Variants in GRK5 observed in about 807,000 individuals in gnomAD.
GRK5 encodes g protein-coupled receptor kinase GRK5.
A neutral mutation model predicts 78.4 loss-of-function variants in GRK5; 40 were observed. The ratio of observed to expected loss-of-function variants is 0.51; its 90% CI spans 0.40 to 0.66. The LOEUF (loss-of-function observed/expected upper bound fraction) is 0.66. GRK5 is among the 30% of genes least tolerant of loss of function. The probability of loss-of-function intolerance (pLI) is 0.00; values close to 1 mark genes in which losing one functional copy is unlikely to be tolerated. For missense variants in GRK5, 598 were observed against 759.9 expected, an observed-to-expected ratio of 0.79 and a Z score of 2.50; for synonymous variants, 289 against 296.8, an observed-to-expected ratio of 0.97 and a Z score of 0.27.
chr10:119,236,804 G>A (rs1848941745), intron 1 of GRK5, among the ~76,000 whole-genome samples: 1 of 151,834 alleles, frequency 6.6e-6, no homozygotes, highest in Non-Finnish European at 1.5e-5. Flanking sequence ...ACTAATTTTT[G>A]TATTTTTAGT....
chr10:119,234,848 T>C (rs1426583741), intron 1 of GRK5, among the ~76,000 whole-genome samples: 10 of 151,902 alleles, frequency 6.6e-5, no homozygotes, highest in Non-Finnish European at 1.5e-4. Flanking sequence ...GCACGCCTTG[T>C]ATTTTTAGTA....
chr10:119,347,967 C>T (rs1851126318), intron 2 of GRK5, among the ~76,000 whole-genome samples: 2 of 152,204 alleles, frequency 1.3e-5, no homozygotes, highest in Non-Finnish European at 2.9e-5. Flanking sequence ...TCCTTCTCCA[C>T]AAAGGAGGGG....
At chr10:119,270,788 T>C (rs986035011) in intron 1 of GRK5, among the ~76,000 whole-genome samples, 1 of 152,194 alleles carries the variant, frequency 6.6e-6, no homozygotes, top group African/African-American at 2.4e-5. Flanking sequence ...GTTTTGTAGG[T>C]GTAACAATAG....
chr10:119,358,360 C>T (rs769995594), intron 2 of GRK5, among the ~76,000 whole-genome samples: 1 of 152,210 alleles, frequency 6.6e-6, no homozygotes, highest in Non-Finnish European at 1.5e-5. Context: ...ATAGTAGCTG[C>T]TCTGACCATG....
rs371664225 is a variant in GRK5 at position 119,318,469 on chromosome 10, T to C, written c.53-8047T>C. On this transcript the variant is annotated intron_variant, in intron 1 of 15. Coordinates refer to ENST00000392870, the MANE Select transcript of GRK5 (RefSeq NM_005308.3). ...CTCCCAAGGATGGTATGTGAACCTG[T>C]TGGGCTTAAAGGAACCCAGTAAGTT... 4.3e-4 allele frequency among the ~76,000 whole-genome samples: 65 copies of C among 152,314 alleles called. 1 individual carries two copies. The East Asian group carries it at 0.012, about 28-fold the overall frequency.
chr10:119,256,646 G>A (rs1234600526), intron 1 of GRK5, among the ~76,000 whole-genome samples: 10 of 137,216 alleles, frequency 7.3e-5, no homozygotes, highest in Admixed American at 3.3e-4. Context: ...CTCACCCGTC[G>A]CCTCTTTATT....
At chr10:119,442,268 C>G (rs568313048) in intron 11 of GRK5, among the ~76,000 whole-genome samples, 180 bp downstream of exon 11, 2 of 152,220 alleles carry the variant, frequency 1.3e-5, no homozygotes, top group Non-Finnish European at 2.9e-5. Context: ...AGGGGGAGCA[C>G]AGGGGCCCCA....
At chr10:119,261,071 G>C (rs1849381951) in intron 1 of GRK5, among the ~76,000 whole-genome samples, 1 of 1,060 alleles carries the variant, frequency 9.4e-4, no homozygotes, top group Non-Finnish European at 4.5e-3. Flanking sequence ...GGGGCGGCTG[G>C]CCGGGCGGAG....
At chr10:119,245,936 C>T (rs138989895) in intron 1 of GRK5, among the ~76,000 whole-genome samples, 1,681 of 140,026 alleles carry the variant, frequency 0.012, 36 homozygotes, top group African/African-American at 0.039. Flanking sequence ...AGGAGAATGG[C>T]GTGAACCCGG....
Position 119,453,187 on chromosome 10 carries a change from C to T in GRK5, c.1585C>T (p.Pro529Ser), listed in dbSNP as rs887685206. 4 of 1,584,898 alleles carry T rather than the reference C, an allele frequency of 2.5e-6. No homozygotes were observed. The highest frequency in any genetic ancestry group is 3.5e-6 in the Non-Finnish European group (4 of 1,153,468). ...CTTTAAGGAGCTGAACGTGTTTGGA[C>T]CTAATGGTACCCTCCCGCCAGATCT... The part of the protein sequence containing the change: ...ECFKELNVFG[P>S]NGTLPPDLNR... Residue 529 changes from proline (P) to serine (S), a missense_variant, in exon 15 of 16, where the codon CCT becomes TCT. Physicochemically the swap from Pro to Ser is moderately conservative, Grantham distance 74. Transcript: ENST00000392870.
At chr10:119,439,879 C>T in intron 10 of GRK5, 111 bp downstream of exon 10, 1 of 958,606 alleles carries the variant, frequency 1.0e-6, no homozygotes. Flanking sequence ...GGGCCCCACT[C>T]CCACTGCTCA....
At chr10:119,322,117 A>G (rs1850595610) in intron 1 of GRK5, among the ~76,000 whole-genome samples, 1 of 151,840 alleles carries the variant, frequency 6.6e-6, no homozygotes, top group South Asian at 2.1e-4. Flanking sequence ...CCAGCTACTT[A>G]TTTTATTTTT....
intron 2 of GRK5, among the ~76,000 whole-genome samples, chr10:119,377,018 T>C (rs1308490325): frequency 6.6e-6 from 1 of 152,152 alleles, no homozygotes; most frequent in African/African-American, 2.4e-5. Flanking sequence ...GTGGACAGTG[T>C]GTGTGTGCCT....
At position 119,407,856 on chromosome 10, in the gene GRK5, C is replaced by T. The variant is rs544465275; in HGVS notation, c.339+11084C>T. Among the ~76,000 whole-genome samples, 214 of 152,194 alleles carry T rather than the reference C, an allele frequency of 1.4e-3. 2 individuals carry two copies. Among genetic ancestry groups the T allele is most frequent in the African/African-American group, 5.0e-3 (208 of 41,524 alleles). On this transcript the variant is annotated intron_variant, in intron 4 of 15. Transcript: ENST00000392870. ...CTGGGCAACACAGCGAGACCCCCAT[C>T]TCTACAAAGAAAAGAAAACTTGGGG...
rs781280390 is a variant in GRK5 at position 119,447,068 on chromosome 10, C to T, written c.1267-1055C>T. ...TAAGGCAGAGGAGAAGAGAGAATCA[C>T]GAGGCTGGGGCACTGGGAGTGCAGG... On this transcript the variant is annotated intron_variant, in intron 12 of 15. Coordinates refer to ENST00000392870, the MANE Select transcript of GRK5 (RefSeq NM_005308.3). Among the ~76,000 whole-genome samples, 15 of 152,340 alleles carry T rather than the reference C, an allele frequency of 9.8e-5. No individual in the cohort carries two copies. In the South Asian group the frequency reaches 2.1e-3, roughly 21 times the overall value.
At chr10:119,428,239 C>A (rs577443071) in intron 6 of GRK5, among the ~76,000 whole-genome samples, 1 of 152,262 alleles carries the variant, frequency 6.6e-6, no homozygotes, top group Admixed American at 6.5e-5. Flanking sequence ...TCCAGCCCAC[C>A]GCTACCAGCT....
At chr10:119,367,437 G>A (rs1589767719) in intron 2 of GRK5, among the ~76,000 whole-genome samples, 1 of 152,300 alleles carries the variant, frequency 6.6e-6, no homozygotes, top group Middle Eastern at 3.4e-3. Flanking sequence ...AAGAGTTGAT[G>A]TCATTTGACA....
intron 1 of GRK5, among the ~76,000 whole-genome samples, chr10:119,281,685 G>A (rs866782203): frequency 1.1e-4 from 17 of 152,256 alleles, no homozygotes; most frequent in East Asian, 5.8e-4. Context: ...GTGGTTGGCC[G>A]CCTCTTCTCT....
chr10:119,377,245 C>T (rs996104972), intron 2 of GRK5, among the ~76,000 whole-genome samples: 1 of 152,214 alleles, frequency 6.6e-6, no homozygotes, highest in Non-Finnish European at 1.5e-5. Context: ...AAGCATGTAT[C>T]GTAGAACTTC....
Sources: allele counts gnomAD v4.1 joint callset (sites outside exome capture counted in the v4.1 genomes callset), GRCh38; gene constraint gnomAD v4.1.1; transcripts MANE v1.5; gene names NCBI Gene and HGNC (gene_info 2026-07-23, HGNC 2026-07-21).